The following PTK7 variants were observed in gnomAD, a reference collection of about 807,000 sequenced individuals.
PTK7 encodes protein tyrosine kinase 7 (inactive).
In PTK7, 39 loss-of-function variants were observed where a neutral mutation model predicts 116.6. That is an observed-to-expected ratio of 0.33 (90% CI 0.26 to 0.44). The LOEUF is 0.44. Ranked by LOEUF, PTK7 falls within the 20% of genes least tolerant of loss-of-function variation. PTK7 has a pLI of 1.00. For missense variants in PTK7, 1,169 were observed against 1,425.6 expected (o/e 0.82, Z 2.90); for synonymous variants, 546 against 563.6 (o/e 0.97, Z 0.44).
intron 17 of PTK7, among the ~76,000 whole-genome samples, chr6:43,158,231 A>G (rs1771631802): frequency 6.6e-6 from 1 of 151,742 alleles, no homozygotes; most frequent in Non-Finnish European, 1.5e-5. Flanking sequence ...CCCGGGAGGC[A>G]GAGCTTGAAG....
intron 13 of PTK7, 134 bp downstream of exon 13, chr6:43,142,433 C>T (rs1770475689): frequency 1.8e-5 from 24 of 1,335,856 alleles, no homozygotes; most frequent in Non-Finnish European, 2.5e-5. Context: ...GGCCGTCTCA[C>T]CATGCTGCTG....
chr6:43,103,028 A>T (rs1767670604), intron 1 of PTK7, among the ~76,000 whole-genome samples: 2 of 152,226 alleles, frequency 1.3e-5, no homozygotes, highest in South Asian at 4.1e-4. Context: ...CAACTGAAAA[A>T]CTACTACAAT....
intron 1 of PTK7, among the ~76,000 whole-genome samples, chr6:43,105,450 C>CAAAAAAAAAAA (rs34623759): frequency 1.1e-5 from 1 of 93,420 alleles, no homozygotes; most frequent in Non-Finnish European, 2.1e-5. Context: ...AACTGTATAG[C>CAAAAAAAAAAA]AAAAAAAAAA....
At chr6:43,094,131 A>G (rs1485505650) in intron 1 of PTK7, among the ~76,000 whole-genome samples, 2 of 152,268 alleles carry the variant, frequency 1.3e-5, no homozygotes, top group Non-Finnish European at 2.9e-5. Flanking sequence ...GATTGGCTGC[A>G]GACAGCCAAT....
intron 1 of PTK7, among the ~76,000 whole-genome samples, chr6:43,092,134 T>TACAG (rs1458262594): frequency 2.0e-5 from 3 of 152,200 alleles, no homozygotes; most frequent in African/African-American, 7.2e-5. Flanking sequence ...GTGCTGGGAT[T>TACAG]ACAGGCGTGA....
In PTK7 at chr6:43,132,163, A is replaced by T; in HGVS notation, c.960A>T (p.Ala320=). ...PIILEATLHL[A]EIEDMPLFEP... is the part of the protein sequence containing the mutation. Reference sequence around the variant, plus strand: ...TCCTGGAAGCCACACTTCACCTAGCAGGTGAGTCTCTGGGTCTGGGGTGCT... The same window carrying T: ...TCCTGGAAGCCACACTTCACCTAGCTGGTGAGTCTCTGGGTCTGGGGTGCT... Residue 320 remains alanine, a splice_region_variant and synonymous_variant, in exon 6 of 20, where the codon GCA becomes GCT. Coordinates refer to ENST00000230419, the MANE Select transcript of PTK7 (RefSeq NM_002821.5). 6.2e-7 allele frequency: 1 copy of T among 1,608,386 alleles called. No homozygotes were observed. Among genetic ancestry groups the T allele is most frequent in the Non-Finnish European group, 8.5e-7 (1 of 1,175,716 alleles).
At chr6:43,158,759 G>A in intron 17 of PTK7, 58 bp from the exon 18 acceptor site, 2 of 1,558,586 alleles carry the variant, frequency 1.3e-6, no homozygotes, top group Non-Finnish European at 1.8e-6. Flanking sequence ...TTGTGTTGAG[G>A]GTGGTCATCT....
At chr6:43,109,025 C>T (rs894410274) in intron 1 of PTK7, among the ~76,000 whole-genome samples, 1 of 152,164 alleles carries the variant, frequency 6.6e-6, no homozygotes, top group African/African-American at 2.4e-5. Context: ...GGTTTTCTAA[C>T]ATTCTTCAAA....
chr6:43,102,198 G>T (rs1767621679), intron 1 of PTK7, among the ~76,000 whole-genome samples: 1 of 152,160 alleles, frequency 6.6e-6, no homozygotes, highest in African/African-American at 2.4e-5. Flanking sequence ...GCCGAGGTGG[G>T]CGGATCACCT....
intron 1 of PTK7, among the ~76,000 whole-genome samples, chr6:43,093,668 T>C (rs2150381121): frequency 6.6e-6 from 1 of 152,284 alleles, no homozygotes; most frequent in East Asian, 1.9e-4. Context: ...CAAGCATTGC[T>C]GAATGCCATT....
At chr6:43,102,456 G>C (rs377755983) in intron 1 of PTK7, among the ~76,000 whole-genome samples, 1 of 151,902 alleles carries the variant, frequency 6.6e-6, no homozygotes, top group South Asian at 2.1e-4. Flanking sequence ...GGTTGTGTTG[G>C]CGGGTCCCTG....
chr6:43,124,561 A>T (rs1769166551), intron 1 of PTK7, among the ~76,000 whole-genome samples: 6 of 152,064 alleles, frequency 3.9e-5, no homozygotes, highest in Admixed American at 3.9e-4. Context: ...TTGAGGTCCC[A>T]GCTACCTAGG....
chr6:43,129,165 G>A lies in PTK7; in HGVS notation c.268G>A (p.Val90Met). The change falls in exon 2 of 20, where the codon GTG (valine) becomes ATG (methionine). Residue 90 changes from valine (V) to methionine (M), a missense_variant. Around this residue, in one of 3 missense-constraint regions of PTK7, gnomAD observed 487 missense variants for 549.8 expected, o/e 0.89. Coordinates refer to ENST00000230419, the MANE Select transcript of PTK7 (RefSeq NM_002821.5). The surrounding 1 kb of genome is among the most constrained non-coding windows in gnomAD (Gnocchi z 4.5). Reference protein sequence around the residue: ...AQGSSLSFAAVDRLQDSGTFQ... With the variant: ...AQGSSLSFAAMDRLQDSGTFQ... ...GGGCAGCAGCCTGAGCTTTGCAGCT[G>A]TGGACCGGCTGCAGGACTCTGGCAC... 1 of 1,614,222 alleles carries A rather than the reference G, an allele frequency of 6.2e-7. No individual in the cohort carries two copies.
At chr6:43,107,216 G>A (rs1169068551) in intron 1 of PTK7, among the ~76,000 whole-genome samples, 1 of 152,114 alleles carries the variant, frequency 6.6e-6, no homozygotes, top group African/African-American at 2.4e-5. Flanking sequence ...GAGCCACCTC[G>A]CCTGGACTCC....
intron 1 of PTK7, among the ~76,000 whole-genome samples, chr6:43,085,933 CAAAA>C (rs752791085): frequency 2.8e-5 from 2 of 72,394 alleles, no homozygotes; most frequent in Non-Finnish European, 2.7e-5. Context: ...AACTCTGTCT[CAAAA>C]AAAAAAAAAA....
At position 43,143,590 on chromosome 6, in the gene PTK7, G is replaced by A. The variant is rs765038274; in HGVS notation, c.2221G>A (p.Gly741Ser). 3.1e-6 allele frequency: 5 copies of A among 1,612,942 alleles called. No homozygotes were observed. The highest frequency in any genetic ancestry group is 2.2e-5 in the East Asian group (1 of 44,888). The change falls in exon 14 of 20, where the codon GGC becomes AGC. Residue 741 changes from glycine to serine, a missense_variant. By Grantham distance (56) the Gly-to-Ser change is moderately conservative. Around this residue, in one of 3 missense-constraint regions of PTK7, gnomAD observed 678 missense variants for 853.8 expected, o/e 0.79. Transcript: ENST00000230419. The surrounding 1 kb of genome is among the most constrained non-coding windows in gnomAD (Gnocchi z 4.2). ...KAKRLQKQPE[G>S]EEPEMECLNG... ...CAAGCGGCTGCAGAAGCAGCCCGAG[G>A]GCGAGGAGCCAGAGATGGAATGCCT... is the stretch of plus-strand genomic sequence containing the variant.
At chr6:43,101,138 C>G (rs1767551347) in intron 1 of PTK7, among the ~76,000 whole-genome samples, 1 of 151,626 alleles carries the variant, frequency 6.6e-6, no homozygotes, top group African/African-American at 2.4e-5. Context: ...AAGCTTGAAC[C>G]CGGGAGGCGG....
At chr6:43,157,945 C>T (rs1008782809) in intron 17 of PTK7, among the ~76,000 whole-genome samples, 7 of 152,076 alleles carry the variant, frequency 4.6e-5, no homozygotes, top group African/African-American at 1.7e-4. Flanking sequence ...AGGCTGGTCT[C>T]GAACTCCCAA....
intron 1 of PTK7, among the ~76,000 whole-genome samples, chr6:43,077,172 C>T (rs1391067415): frequency 6.6e-6 from 1 of 152,238 alleles, no homozygotes; most frequent in Non-Finnish European, 1.5e-5. Context: ...CGCCCCCATC[C>T]ATGGCCTCTA....
Sources: gnomAD v4.1 joint callset for allele counts (sites outside exome capture counted in the v4.1 genomes callset) on GRCh38, gnomAD v4.1.1 for gene constraint, gnomAD v4.1.1 regional missense constraint, Gnocchi (gnomAD v3.1) non-coding constraint, MANE v1.5 for transcripts, NCBI Gene and HGNC (gene_info 2026-07-23, HGNC 2026-07-21) for gene names.